Variants in RANBP10 observed in about 807,000 individuals in gnomAD.
The protein encoded by RANBP10 is RAN binding protein 10.
RANBP10 carries 24 observed loss-of-function variants against 72.8 expected under a neutral mutation model. The ratio of observed to expected loss-of-function variants is 0.33; its 90% CI spans 0.24 to 0.46. RANBP10 has a LOEUF of 0.46. Ranked by LOEUF, RANBP10 falls within the 20% of genes least tolerant of loss-of-function variation. The pLI is 1.00. For synonymous variants in RANBP10, 310 were observed against 322.3 expected (o/e 0.96, Z 0.41); for missense variants, 679 against 817.5 (o/e 0.83, Z 2.07).
chr16:67,784,711 C>T (rs1022698643), intron 2 of RANBP10, among the ~76,000 whole-genome samples: 9 of 151,596 alleles, frequency 5.9e-5, no homozygotes, highest in African/African-American at 1.7e-4. Flanking sequence ...CCCGGCTACT[C>T]GGGAGGCTGA....
chr16:67,736,802 CAGGTAAG>C (rs564179731), intron 5 of RANBP10, among the ~76,000 whole-genome samples: 11 of 152,330 alleles, frequency 7.2e-5, no homozygotes, highest in Non-Finnish European at 1.3e-4. Context: ...CTGGGGCTTC[CAGGTAAG>C]AGGGAAGGAT....
chr16:67,791,147 G>A (rs1185475554), intron 2 of RANBP10, among the ~76,000 whole-genome samples: 1 of 151,646 alleles, frequency 6.6e-6, no homozygotes, highest in African/African-American at 2.4e-5. Context: ...CCAAGTAGCT[G>A]GGACTGTAGG....
chr16:67,736,916 C>A (rs2053858766), intron 5 of RANBP10, among the ~76,000 whole-genome samples: 1 of 152,174 alleles, frequency 6.6e-6, no homozygotes, highest in Non-Finnish European at 1.5e-5. Context: ...TGGGGCATCA[C>A]TGGGGTGTTT....
intron 2 of RANBP10, among the ~76,000 whole-genome samples, chr16:67,790,240 G>A (rs1394413687): frequency 2.0e-5 from 3 of 151,766 alleles, no homozygotes; most frequent in Non-Finnish European, 4.4e-5. Context: ...GAACTATCAA[G>A]AATAAGCAAA....
intron 2 of RANBP10, among the ~76,000 whole-genome samples, chr16:67,792,292 C>T (rs968195564): frequency 1.3e-5 from 2 of 152,018 alleles, no homozygotes; most frequent in South Asian, 2.1e-4. Context: ...CCGTGGCTCA[C>T]GCCTGTAATC....
rs969535303 is a variant in RANBP10 at position 67,744,002 on chromosome 16, C to T, written c.568+286G>A. On this transcript the variant is annotated intron_variant, in intron 4 of 13. Coordinates refer to ENST00000317506, the MANE Select transcript of RANBP10 (RefSeq NM_020850.3). ...AGGGTTCCCCAAACTTCTCATCCAA[C>T]GCCAAACCTTGCTCCAACAAGTGCC... is the stretch of plus-strand genomic sequence containing the variant. The T allele has an allele frequency of 1.5e-5, 13 of 842,294 alleles. No homozygotes were observed. In the South Asian group the frequency reaches 1.6e-4, roughly 11 times the overall value. The allele number at this position is 842,294 out of a possible 1,614,324, so 52.2% of individuals were successfully genotyped here. A position where few individuals can be genotyped will look rare whatever the true frequency, so the allele number is the denominator to read the frequency against.
At position 67,726,648 on chromosome 16, in the gene RANBP10, G is replaced by A. The variant is rs1054652761; in HGVS notation, c.1733-90C>T. On this transcript the variant is annotated intron_variant, in intron 13 of 13. Coordinates refer to ENST00000317506, the MANE Select transcript of RANBP10 (RefSeq NM_020850.3). ...CTTGGGGGTGGAAGGAGGGGGCAGT[G>A]GACAGATTCTCTTGGAACAGAGTGT... is the stretch of plus-strand genomic sequence containing the variant. 6.4e-6 allele frequency: 9 copies of A among 1,411,046 alleles called. No homozygotes were observed. The African/African-American group carries it at 1.3e-4, about 20-fold the overall frequency. The allele number at this position is 1,411,046 out of a possible 1,614,324, so 87.4% of individuals were successfully genotyped here. A position where few individuals can be genotyped will look rare whatever the true frequency, so the allele number is the denominator to read the frequency against.
At chr16:67,741,166 G>A (rs1187964365) in intron 4 of RANBP10, among the ~76,000 whole-genome samples, 2 of 152,198 alleles carry the variant, frequency 1.3e-5, no homozygotes, top group African/African-American at 4.8e-5. Context: ...TTCTGTGAAA[G>A]CTACTTCATG....
chr16:67,796,078 A>C (rs1298531815), intron 2 of RANBP10, among the ~76,000 whole-genome samples: 1 of 151,550 alleles, frequency 6.6e-6, no homozygotes, highest in Non-Finnish European at 1.5e-5. Flanking sequence ...CACCATGCCC[A>C]GCTAATATTT....
At chr16:67,766,251 G>A (rs535813203) in intron 3 of RANBP10, among the ~76,000 whole-genome samples, 21 of 152,208 alleles carry the variant, frequency 1.4e-4, no homozygotes, top group African/African-American at 4.8e-4. Context: ...TGATGCTTTC[G>A]GTTTTGCAAA....
intron 2 of RANBP10, among the ~76,000 whole-genome samples, chr16:67,786,674 T>C (rs1469050400): frequency 6.6e-6 from 1 of 152,204 alleles, no homozygotes; most frequent in African/African-American, 2.4e-5. Flanking sequence ...ACGCCTGAAA[T>C]TTCAGCACTT....
intron 5 of RANBP10, among the ~76,000 whole-genome samples, chr16:67,737,315 C>T (rs1175758501): frequency 6.6e-6 from 1 of 151,278 alleles, no homozygotes; most frequent in Non-Finnish European, 1.5e-5. Context: ...ATTCTCCTGC[C>T]TCAGCCTCCC....
intron 2 of RANBP10, among the ~76,000 whole-genome samples, chr16:67,779,269 C>A (rs1283067532): frequency 6.6e-6 from 1 of 151,816 alleles, no homozygotes; most frequent in Non-Finnish European, 1.5e-5. Flanking sequence ...GTAGTGCACA[C>A]CTGTAGTCCC....
chr16:67,749,808 A>G (rs1221305467), intron 3 of RANBP10, among the ~76,000 whole-genome samples: 1 of 152,132 alleles, frequency 6.6e-6, no homozygotes, highest in African/African-American at 2.4e-5. Context: ...GGTCTATAGC[A>G]GGCTATAGAT....
At chr16:67,788,545 C>T (rs1398085056) in intron 2 of RANBP10, among the ~76,000 whole-genome samples, 1 of 151,744 alleles carries the variant, frequency 6.6e-6, no homozygotes. Context: ...CGTGAGCCAG[C>T]GCGCCCAGCC....
At chr16:67,762,565 G>A (rs546706969) in intron 3 of RANBP10, 4 of 152,252 alleles carry the variant, frequency 2.6e-5, no homozygotes, top group East Asian at 3.9e-4. Flanking sequence ...AGTCAGGAGT[G>A]GATTCAATGA....
intron 5 of RANBP10, among the ~76,000 whole-genome samples, chr16:67,737,338 C>T (rs1435217280): frequency 6.6e-5 from 10 of 151,594 alleles, no homozygotes; most frequent in Non-Finnish European, 1.3e-4. Context: ...GGAGCTGGGA[C>T]TACAGGCGCC....
intron 4 of RANBP10, among the ~76,000 whole-genome samples, chr16:67,743,099 C>A (rs921804528): frequency 6.6e-6 from 1 of 152,236 alleles, no homozygotes; most frequent in Non-Finnish European, 1.5e-5. Context: ...GGCATGCAGC[C>A]CCAGCCATCA....
chr16:67,733,241 C>G (rs1245016303), intron 6 of RANBP10, among the ~76,000 whole-genome samples: 21 of 151,854 alleles, frequency 1.4e-4, no homozygotes, highest in Admixed American at 1.4e-3. Context: ...TGGTGCATGC[C>G]TACAGTCCCA....
Sources: allele counts gnomAD v4.1 joint callset (sites outside exome capture counted in the v4.1 genomes callset), GRCh38; gene constraint gnomAD v4.1.1; transcripts MANE v1.5; gene names NCBI Gene and HGNC (gene_info 2026-07-23, HGNC 2026-07-21).